MALRD1: variants seen among roughly 807,000 people sequenced by gnomAD.
The protein encoded by MALRD1 is MAM and LDL-receptor class A domain-containing protein 1.
A neutral mutation model predicts 242.1 loss-of-function variants in MALRD1; 247 were observed. The ratio of observed to expected loss-of-function variants is 1.02; its 90% CI spans 0.92 to 1.13. The LOEUF (loss-of-function observed/expected upper bound fraction) is 1.13, where lower values mean the gene tolerates loss of function less well. Among genes scored for constraint, MALRD1 ranks in the 50% most tolerant of loss-of-function variants. The pLI is 0.00. For missense variants in MALRD1, 2,989 were observed against 2,533.1 expected (o/e 1.18, Z -3.86); for synonymous variants, 995 against 866.6 (o/e 1.15, Z -2.60).
rs184411416 is a variant in MALRD1, at chr10:19,536,558, T to A, written c.5478+5207T>A. 1.2e-4 allele frequency among the ~76,000 whole-genome samples: 19 copies of A among 152,122 alleles called. 1 individual carries two copies. The highest frequency in any genetic ancestry group is 1.0e-3 in the Admixed American group (16 of 15,280). On this transcript the variant is annotated intron_variant, in intron 32 of 39. Coordinates refer to ENST00000454679, the MANE Select transcript of MALRD1 (RefSeq NM_001142308.3). ...CGTAGCCCTTGTAATCAGTCCCCTA[T>A]CTCTCTATATTAAACTTCCTTTATT...
At chr10:19,563,277 C>G (rs577759607) in intron 32 of MALRD1, among the ~76,000 whole-genome samples, 2 of 152,168 alleles carry the variant, frequency 1.3e-5, no homozygotes, top group East Asian at 3.8e-4. Flanking sequence ...TATGTCCATC[C>G]TGTATCAACT....
intron 38 of MALRD1, among the ~76,000 whole-genome samples, chr10:19,696,040 C>T (rs1239130421): frequency 6.6e-6 from 1 of 152,094 alleles, no homozygotes; most frequent in East Asian, 1.9e-4. Context: ...ACAGCTGAAC[C>T]ATATCACATA....
At chr10:19,249,022 A>G (rs1839186788) in intron 18 of MALRD1, among the ~76,000 whole-genome samples, 1 of 147,430 alleles carries the variant, frequency 6.8e-6, no homozygotes, top group South Asian at 2.1e-4. Context: ...TATGATATAT[A>G]ATATAAATTA....
chr10:19,131,340 A>G (rs1433015145), intron 8 of MALRD1, among the ~76,000 whole-genome samples: 1 of 152,148 alleles, frequency 6.6e-6, no homozygotes, highest in African/African-American at 2.4e-5. Context: ...TTTCCAGAGG[A>G]CATTAGAACT....
At chr10:19,718,458 T>G (rs966995290) in intron 38 of MALRD1, among the ~76,000 whole-genome samples, 2 of 152,136 alleles carry the variant, frequency 1.3e-5, no homozygotes, top group African/African-American at 4.8e-5. Flanking sequence ...TCCCACACAC[T>G]TTTAAACAAC....
At chr10:19,584,987 C>G (rs1837314059) in intron 33 of MALRD1, among the ~76,000 whole-genome samples, 1 of 152,180 alleles carries the variant, frequency 6.6e-6, no homozygotes, top group Admixed American at 6.5e-5. Context: ...TAATGGCCTT[C>G]CTTGTCTCTT....
At chr10:19,630,160 T>C (rs1358102896) in intron 36 of MALRD1, among the ~76,000 whole-genome samples, 1 of 152,200 alleles carries the variant, frequency 6.6e-6, no homozygotes, top group Non-Finnish European at 1.5e-5. Context: ...TTTCCTTATG[T>C]CCATCAGGGA....
At chr10:19,504,190 A>G (rs757874500) in intron 31 of MALRD1, among the ~76,000 whole-genome samples, 1 of 152,232 alleles carries the variant, frequency 6.6e-6, no homozygotes, top group African/African-American at 2.4e-5. Flanking sequence ...TTCTGATATC[A>G]GAGATGAGGA....
chr10:19,404,457 G>A (rs1014553935), intron 28 of MALRD1, among the ~76,000 whole-genome samples: 9 of 152,028 alleles, frequency 5.9e-5, no homozygotes, highest in Non-Finnish European at 1.2e-4. Flanking sequence ...AGTTTCTGAT[G>A]TATGTTGCTC....
intron 38 of MALRD1, among the ~76,000 whole-genome samples, chr10:19,706,785 T>C (rs894433606): frequency 6.6e-6 from 1 of 152,164 alleles, no homozygotes; most frequent in African/African-American, 2.4e-5. Flanking sequence ...ATGGATTTCA[T>C]TAATGGGCTC....
chr10:19,209,005 G>T (rs1836914486), intron 17 of MALRD1, among the ~76,000 whole-genome samples: 1 of 152,128 alleles, frequency 6.6e-6, no homozygotes. Flanking sequence ...ATGGAGAAGA[G>T]ATGTGCATAA....
At chr10:19,579,368 G>C (rs1393738655) in intron 33 of MALRD1, among the ~76,000 whole-genome samples, 2 of 152,288 alleles carry the variant, frequency 1.3e-5, no homozygotes, top group Non-Finnish European at 2.9e-5. Context: ...TGTGAAATTT[G>C]ACACTTCCTT....
chr10:19,103,765 A>G (rs1836365083), intron 4 of MALRD1, among the ~76,000 whole-genome samples: 1 of 152,126 alleles, frequency 6.6e-6, no homozygotes, highest in Non-Finnish European at 1.5e-5. Flanking sequence ...TACCTATCCT[A>G]TGCCAGACAT....
chr10:19,606,631 A>C (rs1838642392), intron 34 of MALRD1, among the ~76,000 whole-genome samples: 1 of 152,128 alleles, frequency 6.6e-6, no homozygotes, highest in Admixed American at 6.6e-5. Flanking sequence ...CACACATCAC[A>C]GTGCTAGACA....
At chr10:19,600,877 TTTTGTTTGTTTC>T (rs925611437) in intron 34 of MALRD1, among the ~76,000 whole-genome samples, 2 of 152,032 alleles carry the variant, frequency 1.3e-5, no homozygotes, top group Admixed American at 6.6e-5. Flanking sequence ...AAATAACTAT[TTTTGTTTGTTTC>T]TTTGTTTGTT....
chr10:19,153,355 G>A (rs1464380403), intron 11 of MALRD1, among the ~76,000 whole-genome samples: 1 of 151,964 alleles, frequency 6.6e-6, no homozygotes, highest in East Asian at 1.9e-4. Flanking sequence ...TATGAATCAG[G>A]GAGCTCTCCA....
chr10:19,544,468 G>T (rs1023502235), intron 32 of MALRD1, among the ~76,000 whole-genome samples: 1 of 152,060 alleles, frequency 6.6e-6, no homozygotes, highest in Non-Finnish European at 1.5e-5. Flanking sequence ...GATTGCAGAC[G>T]TGAGTCACCA....
At chr10:19,438,989 TTA>T (rs1834484697) in intron 28 of MALRD1, among the ~76,000 whole-genome samples, 1 of 152,046 alleles carries the variant, frequency 6.6e-6, no homozygotes, top group Non-Finnish European at 1.5e-5. Flanking sequence ...ACTATCATAG[TTA>T]TGTGTCTCCA....
At position 19,189,244 on chromosome 10, in the gene MALRD1, C is replaced by T. The variant is rs137978200; in HGVS notation, c.1951+13916C>T. Among the ~76,000 whole-genome samples, 108 of 152,078 alleles carry T rather than the reference C, an allele frequency of 7.1e-4. No homozygotes were observed. The Middle Eastern group carries it at 0.014, about 19-fold the overall frequency. ...CAGATTCCTAGAAATGTAAAACCTACCAAGATTAAAGCACAAAGAAACAGA... is the reference window on the plus strand; with the variant it reads ...CAGATTCCTAGAAATGTAAAACCTATCAAGATTAAAGCACAAAGAAACAGA... On this transcript the variant is annotated intron_variant, in intron 14 of 39. Coordinates refer to ENST00000454679, the MANE Select transcript of MALRD1 (RefSeq NM_001142308.3).
Sources: allele counts gnomAD v4.1 joint callset (sites outside exome capture counted in the v4.1 genomes callset), GRCh38; gene constraint gnomAD v4.1.1; transcripts MANE v1.5; gene names NCBI Gene and HGNC (gene_info 2026-07-23, HGNC 2026-07-21).